The following GRM7 variants were observed in gnomAD, a reference collection of about 807,000 sequenced individuals.
The protein encoded by GRM7 is metabotropic glutamate receptor 7.
In GRM7, 35 loss-of-function variants were observed where a neutral mutation model predicts 84.5. The observed-to-expected ratio is 0.41, with a 90% CI of 0.32 to 0.55. GRM7 has a LOEUF of 0.55. Among genes scored for constraint, GRM7 ranks in the 20% least tolerant of loss-of-function variants. The pLI is 0.19. For missense variants in GRM7, 1,003 were observed against 1,194.6 expected (o/e 0.84, Z 2.36); for synonymous variants, 487 against 455.1 (o/e 1.07, Z -0.89).
chr3:6,979,619 T>C (rs1250091483), intron 1 of GRM7, among the ~76,000 whole-genome samples: 1 of 152,150 alleles, frequency 6.6e-6, no homozygotes, highest in East Asian at 1.9e-4. Context: ...TTTTACAAGA[T>C]TACAATTTTT....
intron 5 of GRM7, among the ~76,000 whole-genome samples, chr3:7,427,022 C>G (rs1331874394): frequency 1.3e-5 from 2 of 152,180 alleles, no homozygotes; most frequent in African/African-American, 4.8e-5. Flanking sequence ...TGCTGGAAGA[C>G]TATCCTGGGC....
At chr3:7,187,337 T>C (rs1365099823) in intron 2 of GRM7, among the ~76,000 whole-genome samples, 1 of 152,196 alleles carries the variant, frequency 6.6e-6, no homozygotes, top group African/African-American at 2.4e-5. Flanking sequence ...CAGATTTCTA[T>C]AAGTAGCACA....
chr3:7,114,907 C>T (rs1692979791), intron 1 of GRM7, among the ~76,000 whole-genome samples: 1 of 152,142 alleles, frequency 6.6e-6, no homozygotes. Context: ...TTGCCCTCTC[C>T]TGGTGGCAGC....
At chr3:7,354,479 G>T (rs753401816) in intron 4 of GRM7, among the ~76,000 whole-genome samples, 27 of 152,118 alleles carry the variant, frequency 1.8e-4, no homozygotes, top group Non-Finnish European at 3.4e-4. Flanking sequence ...TAACAGTGAG[G>T]GATGTTATAA....
At chr3:6,888,086 T>C (rs911630951) in intron 1 of GRM7, among the ~76,000 whole-genome samples, 7 of 152,170 alleles carry the variant, frequency 4.6e-5, no homozygotes, top group African/African-American at 1.7e-4. Flanking sequence ...TTGTTTGTTT[T>C]TTTCTTGTAA....
intron 1 of GRM7, among the ~76,000 whole-genome samples, chr3:6,897,515 G>A (rs1401276433): frequency 6.6e-6 from 1 of 152,084 alleles, no homozygotes; most frequent in Admixed American, 6.6e-5. Context: ...GTTACTCCTG[G>A]TACCTTCTCA....
intron 1 of GRM7, among the ~76,000 whole-genome samples, chr3:7,041,100 A>T (rs1696593182): frequency 6.7e-6 from 1 of 150,130 alleles, no homozygotes; most frequent in Non-Finnish European, 1.5e-5. Context: ...AAAAAAAAAA[A>T]TTATGTGGTG....
At chr3:7,660,665 A>T (rs1699404580) in intron 8 of GRM7, among the ~76,000 whole-genome samples, 1 of 152,204 alleles carries the variant, frequency 6.6e-6, no homozygotes, top group Non-Finnish European at 1.5e-5. Context: ...AAATTTATAC[A>T]AAAATACAGA....
At chr3:7,666,938 G>C (rs139733512) in intron 8 of GRM7, among the ~76,000 whole-genome samples, 4 of 152,224 alleles carry the variant, frequency 2.6e-5, no homozygotes, top group East Asian at 1.9e-4. Flanking sequence ...AGGAAAATTT[G>C]TGGAGAGGCA....
chr3:7,700,762 A>G (rs1296465103), intron 9 of GRM7, among the ~76,000 whole-genome samples: 1 of 152,182 alleles, frequency 6.6e-6, no homozygotes, highest in Non-Finnish European at 1.5e-5. Flanking sequence ...TCTGCCACGC[A>G]TTGTTAGGGA....
At chr3:6,971,667 TTTG>T (rs1322271626) in intron 1 of GRM7, among the ~76,000 whole-genome samples, 5 of 152,182 alleles carry the variant, frequency 3.3e-5, no homozygotes, top group Admixed American at 6.5e-5. Flanking sequence ...ACTATTCAGG[TTTG>T]TATGGGTTTA....
intron 5 of GRM7, among the ~76,000 whole-genome samples, chr3:7,446,490 TCA>T: frequency 6.8e-6 from 1 of 146,226 alleles, no homozygotes. Flanking sequence ...AGACGGAGTC[TCA>T]TTCTGTAGCC....
intron 7 of GRM7, among the ~76,000 whole-genome samples, chr3:7,569,085 C>A (rs574529354): frequency 2.0e-5 from 3 of 152,302 alleles, no homozygotes; most frequent in Non-Finnish European, 4.4e-5. Context: ...CTTGGAGAAC[C>A]TTTATGTCTA....
In GRM7 at chr3:6,960,063, C is replaced by T. The variant is rs996389676; in HGVS notation, c.519+98156C>T. ...CCTCCAAACCAATAACAACTATAAT[C>T]CTAAACATACTTTGCTTAAAGACTA... On this transcript the variant is annotated intron_variant, in intron 1 of 9. Coordinates refer to ENST00000357716, the MANE Select transcript of GRM7 (RefSeq NM_000844.4). Among the ~76,000 whole-genome samples, 55 of 152,220 alleles carry T rather than the reference C, an allele frequency of 3.6e-4. 1 individual carries two copies. The highest frequency in any genetic ancestry group is 3.4e-3 in the Middle Eastern group (1 of 294).
chr3:6,861,995 G>A lies in GRM7; in HGVS notation c.519+88G>A, dbSNP rs1483709935. On this transcript the variant is annotated intron_variant, in intron 1 of 9. Coordinates refer to ENST00000357716, the MANE Select transcript of GRM7 (RefSeq NM_000844.4). This position sits in a 1 kb window ranked among gnomAD's most constrained non-coding sequence, Gnocchi z 6.4. ...GCTGGCTTGGACTCCGGTGGTGCGG[G>A]TCAGGTCAGCCTTCGCTCATTTCCT... The A allele has an allele frequency of 8.8e-7, 1 of 1,136,072 alleles. No homozygotes were observed. Among genetic ancestry groups the A allele is most frequent in the Non-Finnish European group, 1.3e-6 (1 of 795,230 alleles). 70.4% of individuals were successfully genotyped at this position (1,136,072 alleles called of 1,614,324 possible).
At chr3:7,670,720 T>TTA (rs397714996) in intron 8 of GRM7, among the ~76,000 whole-genome samples, 1 of 40,298 alleles carries the variant, frequency 2.5e-5, no homozygotes, top group Non-Finnish European at 4.7e-5. Flanking sequence ...AAGCTCAGAT[T>TTA]AATTCTTTAA....
At chr3:7,163,801 G>C (rs183839692) in intron 2 of GRM7, among the ~76,000 whole-genome samples, 1 of 152,222 alleles carries the variant, frequency 6.6e-6, no homozygotes, top group Non-Finnish European at 1.5e-5. Context: ...TACTTTCAAA[G>C]AAAGTATCTC....
intron 2 of GRM7, among the ~76,000 whole-genome samples, chr3:7,235,230 AGT>A (rs1697313111): frequency 6.6e-6 from 1 of 152,074 alleles, no homozygotes; most frequent in Non-Finnish European, 1.5e-5. Context: ...GGATGTCCTG[AGT>A]GTTTGTACAG....
At chr3:7,126,103 T>C (rs1693390138) in intron 1 of GRM7, among the ~76,000 whole-genome samples, 1 of 152,150 alleles carries the variant, frequency 6.6e-6, no homozygotes, top group Non-Finnish European at 1.5e-5. Context: ...CCAGGGAAAA[T>C]CACACTGGAA....
Sources: allele counts gnomAD v4.1 joint callset (sites outside exome capture counted in the v4.1 genomes callset), GRCh38; gene constraint gnomAD v4.1.1; non-coding constraint Gnocchi (gnomAD v3.1); transcripts MANE v1.5; gene names NCBI Gene and HGNC (gene_info 2026-07-23, HGNC 2026-07-21).